MICAL2: variants seen among roughly 807,000 people sequenced by gnomAD.
MICAL2 encodes the protein [F-actin]-monooxygenase MICAL2.
MICAL2 carries 77 observed loss-of-function variants against 127.3 expected under a neutral mutation model. The ratio of observed to expected loss-of-function variants is 0.60; its 90% confidence interval spans 0.50 to 0.73. The LOEUF (loss-of-function observed/expected upper bound fraction) is 0.73. Among genes scored for constraint, MICAL2 ranks in the 30% least tolerant of loss-of-function variants. The pLI, the probability that MICAL2 is intolerant of heterozygous loss-of-function variation, is 0.00. For synonymous variants in MICAL2, 570 were observed against 551.1 expected (o/e 1.03, Z -0.48); for missense variants, 1,351 against 1,434.4 (o/e 0.94, Z 0.94).
intron 30 of MICAL2, chr11:12,323,835 A>C: frequency 1.1e-6 from 1 of 929,264 alleles, no homozygotes; most frequent in Non-Finnish European, 1.6e-6. Flanking sequence ...CATTGCAGAG[A>C]GTTCTACCAG....
At chr11:12,319,675 G>A in intron 29 of MICAL2, 1 of 1,557,282 alleles carries the variant, frequency 6.4e-7, no homozygotes, top group Middle Eastern at 1.7e-4. Flanking sequence ...AGTTCATTGA[G>A]TTTTTCTGTT....
chr11:12,249,115 C>G, intron 21 of MICAL2, 69 bp from the exon 22 acceptor site: 1 of 1,601,398 alleles, frequency 6.2e-7, no homozygotes, highest in Non-Finnish European at 8.5e-7. Flanking sequence ...TTCTCTTTCC[C>G]CAGTGGAAGA....
At chr11:12,334,241 C>T (rs376414808) in intron 32 of MICAL2, among the ~76,000 whole-genome samples, 2 of 152,068 alleles carry the variant, frequency 1.3e-5, no homozygotes, top group East Asian at 3.8e-4. Flanking sequence ...TATAAAATGG[C>T]GTAGTCACTG....
intron 1 of MICAL2, among the ~76,000 whole-genome samples, chr11:12,122,513 A>ACCTCTGC (rs1850589962): frequency 6.6e-6 from 1 of 152,132 alleles, no homozygotes; most frequent in Admixed American, 6.5e-5. Flanking sequence ...GGTTCAAGCA[A>ACCTCTGC]TTCTCCTGCC....
downstream of MICAL2, among the ~76,000 whole-genome samples, chr11:12,266,013 G>A (rs1303926669): frequency 6.6e-6 from 1 of 152,140 alleles, no homozygotes; most frequent in Non-Finnish European, 1.5e-5. Context: ...TTGGGAGGCT[G>A]AGGCACGAGA....
At chr11:12,293,773 C>T, downstream of MICAL2, 1 of 1,613,318 alleles carries the variant, frequency 6.2e-7, no homozygotes, top group Non-Finnish European at 8.5e-7. Context: ...CTGATGAGTG[C>T]CAGCCAGCAG....
intron 32 of MICAL2, among the ~76,000 whole-genome samples, chr11:12,343,446 G>A (rs1938902758): frequency 7.6e-6 from 1 of 131,376 alleles, no homozygotes; most frequent in South Asian, 2.5e-4. Context: ...AAAATTAGAA[G>A]TTATTCCACT....
At chr11:12,222,054 G>A (rs530414965) in intron 10 of MICAL2, among the ~76,000 whole-genome samples, 31 of 152,294 alleles carry the variant, frequency 2.0e-4, no homozygotes, top group Admixed American at 4.6e-4. Context: ...CTCATTCACC[G>A]AAGAGCCAGA....
chr11:12,335,060 G>C lies in MICAL2; in HGVS notation c.5515+7794G>C, dbSNP rs1590742510. On this transcript the variant is annotated intron_variant, in intron 32 of 34. Transcript: ENST00000646065. Reference sequence around the variant, plus strand: ...TCCACAATGGTTGAACTAGTTTACAGTCCCACCAACAGTGTAAAAGTGTTC... The same window carrying C: ...TCCACAATGGTTGAACTAGTTTACACTCCCACCAACAGTGTAAAAGTGTTC... 1.1e-4 allele frequency among the ~76,000 whole-genome samples: 16 copies of C among 151,754 alleles called. No homozygotes were observed. The South Asian group carries it at 3.4e-3, about 32-fold the overall frequency.
chr11:12,140,943 T>A (rs1852292009), intron 2 of MICAL2, among the ~76,000 whole-genome samples: 2 of 152,162 alleles, frequency 1.3e-5, no homozygotes, highest in Non-Finnish European at 2.9e-5. Context: ...CAGGGTTCTG[T>A]ACAGTTAGGG....
chr11:12,180,349 A>AT lies in MICAL2; in HGVS notation c.264+17940dup, dbSNP rs72520147. On this transcript the variant is annotated intron_variant, in intron 3 of 27. Coordinates refer to ENST00000683283, the MANE Select transcript of MICAL2 (RefSeq NM_001282663.2). ...TTTATATACATGTATATATGTATATATTTTTTTTTTGGCAGGAAGGTTTCC... is the reference window on the plus strand; with the variant it reads ...TTTATATACATGTATATATGTATATATTTTTTTTTTTGGCAGGAAGGTTTCC... Among the ~76,000 whole-genome samples, 837 of 139,700 alleles carry AT rather than the reference A, an allele frequency of 6.0e-3. 9 individuals carry two copies. The highest frequency in any genetic ancestry group is 0.02 in the African/African-American group (755 of 37,652). The allele number at this position is 139,700 out of a possible 152,430, so 91.6% of individuals were successfully genotyped here.
intron 1 of MICAL2, among the ~76,000 whole-genome samples, chr11:12,116,261 A>T (rs1850016232): frequency 6.6e-6 from 1 of 151,412 alleles, no homozygotes; most frequent in South Asian, 2.1e-4. Flanking sequence ...TATAGGCGTG[A>T]GCCACTGCGC....
intron 1 of MICAL2, among the ~76,000 whole-genome samples, chr11:12,130,696 C>T (rs1851342046): frequency 1.3e-5 from 2 of 152,190 alleles, no homozygotes; most frequent in South Asian, 4.1e-4. Flanking sequence ...CCTCTTCCTC[C>T]CTCCTGCCAA....
chr11:12,301,100 T>C (rs1864041366), intron 29 of MICAL2, among the ~76,000 whole-genome samples: 1 of 152,142 alleles, frequency 6.6e-6, no homozygotes, highest in Non-Finnish European at 1.5e-5. Flanking sequence ...ATGAGGAAGA[T>C]GTGAAAGAGT....
At chr11:12,340,872 A>T (rs1428422330) in intron 32 of MICAL2, among the ~76,000 whole-genome samples, 2 of 152,256 alleles carry the variant, frequency 1.3e-5, no homozygotes, top group African/African-American at 2.4e-5. Context: ...CAAAACAAAA[A>T]GTAATTTAAA....
chr11:12,225,971 G>A lies in MICAL2; in HGVS notation c.1689-200G>A, dbSNP rs111838544. ...GCAGCAATAACGTCATCATGGCCCA[G>A]GTCTGATTTTGTCCCTTCCTGACCA... On this transcript the variant is annotated intron_variant, in intron 13 of 27. Coordinates refer to ENST00000683283, the MANE Select transcript of MICAL2 (RefSeq NM_001282663.2). Among the ~76,000 whole-genome samples, 1,515 of 152,278 alleles carry A rather than the reference G, an allele frequency of 9.9e-3. 23 individuals carry two copies. The highest frequency in any genetic ancestry group is 0.035 in the African/African-American group (1,440 of 41,536).
chr11:12,224,182 C>T (rs1857142763), intron 12 of MICAL2, among the ~76,000 whole-genome samples: 1 of 152,208 alleles, frequency 6.6e-6, no homozygotes, highest in Non-Finnish European at 1.5e-5. Flanking sequence ...ACAGTCCTTT[C>T]TGTCTTCCTG....
At chr11:12,246,463 A>C (rs1040334683) in intron 21 of MICAL2, among the ~76,000 whole-genome samples, 2 of 152,222 alleles carry the variant, frequency 1.3e-5, no homozygotes, top group Non-Finnish European at 2.9e-5. Context: ...ACAGCTGGGC[A>C]GGGGGGCCCT....
intron 2 of MICAL2, among the ~76,000 whole-genome samples, chr11:12,281,631 C>T (rs1179831607): frequency 6.6e-6 from 1 of 152,210 alleles, no homozygotes; most frequent in African/African-American, 2.4e-5. Flanking sequence ...TTACTGCATA[C>T]CTGTAATGGG....
Sources: gnomAD v4.1 joint callset for allele counts (sites outside exome capture counted in the v4.1 genomes callset) on GRCh38, gnomAD v4.1.1 for gene constraint, MANE v1.5 for transcripts, NCBI Gene and HGNC (gene_info 2026-07-23, HGNC 2026-07-21) for gene names.